FMN2: variants seen among roughly 807,000 people sequenced by gnomAD.
FMN2 encodes formin 2, also known as formin-2.
A neutral mutation model predicts 142.3 loss-of-function variants in FMN2; 51 were observed. That is an observed-to-expected ratio of 0.36 (90% CI 0.29 to 0.45). FMN2 has a LOEUF of 0.45. Among genes scored for constraint, FMN2 ranks in the 20% least tolerant of loss-of-function variants. FMN2 has a pLI of 1.00. For synonymous variants in FMN2, 882 were observed against 869.8 expected, an observed-to-expected ratio of 1.01 and a Z score of -0.25; for missense variants, 1,936 against 2,122.8, an observed-to-expected ratio of 0.91 and a Z score of 1.73.
intron 8 of FMN2, among the ~76,000 whole-genome samples, chr1:240,326,121 A>G (rs1671163022): frequency 6.6e-6 from 1 of 152,158 alleles, no homozygotes; most frequent in Non-Finnish European, 1.5e-5. Context: ...ATGTATGTAT[A>G]TATTTGTGCA....
Position 240,207,549 on chromosome 1 carries a change from C to G in FMN2, c.2737C>G (p.Pro913Ala), listed in dbSNP as rs1404154152. The G allele has an allele frequency of 1.2e-6, 2 of 1,612,934 alleles. No homozygotes were observed. The highest frequency in any genetic ancestry group is 3.3e-5 in the Admixed American group (2 of 59,910). Residue 913 changes from proline to alanine, a missense_variant, in exon 5 of 18, where the codon CCT becomes GCT. Pro to Ala is a conservative substitution (Grantham distance 27, BLOSUM62 -1). Coordinates refer to ENST00000319653, the MANE Select transcript of FMN2 (RefSeq NM_020066.5). ...QGTEMLPPPP[P>A]PLPGAGIPPP... ...TACAGAAATGCTGCCACCCCCTCCCCCTCCTCTTCCCGGAGCGGGCATACC... is the reference window on the plus strand; with the variant it reads ...TACAGAAATGCTGCCACCCCCTCCCGCTCCTCTTCCCGGAGCGGGCATACC...
At position 240,151,914 on chromosome 1, in the gene FMN2, G is replaced by A. The variant is rs375927445; in HGVS notation, c.1783-26007G>A. Among the ~76,000 whole-genome samples the A allele has an allele frequency of 1.2e-3, 175 of 152,082 alleles. 4 individuals are homozygous for A. The South Asian group carries it at 0.027, about 24-fold the overall frequency. On this transcript the variant is annotated intron_variant, in intron 2 of 17. Transcript: ENST00000319653. ...CCCTAGTAGCTGGGACTGCAGATGT[G>A]CACCACCTAGCCAATCTAATTTTTT...
chr1:240,430,951 A>G (rs2103162903), intron 15 of FMN2, among the ~76,000 whole-genome samples: 1 of 151,246 alleles, frequency 6.6e-6, no homozygotes. Flanking sequence ...ACATTTTTAC[A>G]TAAATTTTAG....
chr1:240,132,109 G>A (rs989036131), intron 2 of FMN2, among the ~76,000 whole-genome samples: 5 of 152,146 alleles, frequency 3.3e-5, no homozygotes, highest in African/African-American at 1.2e-4. Flanking sequence ...ATTTCTTTGA[G>A]TTTCTGGTTC....
intron 15 of FMN2, among the ~76,000 whole-genome samples, chr1:240,398,684 A>C (rs1370154322): frequency 6.6e-6 from 1 of 152,202 alleles, no homozygotes; most frequent in Admixed American, 6.5e-5. Flanking sequence ...GCAGGAAAGC[A>C]GTGTAACTCT....
intron 1 of FMN2, among the ~76,000 whole-genome samples, chr1:240,110,660 C>T: frequency 6.6e-6 from 1 of 152,094 alleles, no homozygotes; most frequent in Non-Finnish European, 1.5e-5. Flanking sequence ...TTTTGATTAG[C>T]TACAGTGTGG....
rs188031004 is a variant in FMN2, at chr1:240,320,404, C to T, written c.4216-8672C>T. Among the ~76,000 whole-genome samples, 166 of 152,274 alleles carry T rather than the reference C, an allele frequency of 1.1e-3. 5 individuals are homozygous for T. Among genetic ancestry groups the T allele is most frequent in the Admixed American group, 9.5e-3 (145 of 15,286 alleles). On this transcript the variant is annotated intron_variant, in intron 8 of 17. Transcript: ENST00000319653. ...GAATGAGCCTGTTTCAACAATGGCT[C>T]GTGTTTGTTCCATGTAAATGGCAAA...
chr1:240,401,805 G>C lies in FMN2; in HGVS notation c.4910+9243G>C, dbSNP rs140568441. 2.7e-3 allele frequency among the ~76,000 whole-genome samples: 407 copies of C among 152,296 alleles called. 1 individual carries two copies. Among genetic ancestry groups the C allele is most frequent in the African/African-American group, 9.3e-3 (387 of 41,562 alleles). ...ACCAAGGTTATCATGAAAGAAGGCA[G>C]GGCTGCGTGGTGGACAGGACGCTGA... On this transcript the variant is annotated intron_variant, in intron 15 of 17. Transcript: ENST00000319653.
intron 6 of FMN2, among the ~76,000 whole-genome samples, chr1:240,215,293 C>T (rs1219813304): frequency 1.3e-5 from 2 of 152,200 alleles, no homozygotes; most frequent in African/African-American, 4.8e-5. Context: ...TTACCATGTA[C>T]CAGTTACTGT....
At chr1:240,240,415 A>G (rs920837662) in intron 6 of FMN2, among the ~76,000 whole-genome samples, 1 of 152,222 alleles carries the variant, frequency 6.6e-6, no homozygotes, top group African/African-American at 2.4e-5. Context: ...TTGCTACAAC[A>G]TAATAATAAA....
At chr1:240,421,741 G>A (rs1674770301) in intron 15 of FMN2, among the ~76,000 whole-genome samples, 1 of 151,860 alleles carries the variant, frequency 6.6e-6, no homozygotes, top group African/African-American at 2.4e-5. Context: ...CCACAAGCAG[G>A]TACAACCAAG....
intron 14 of FMN2, among the ~76,000 whole-genome samples, chr1:240,364,463 A>C (rs1672595502): frequency 6.6e-6 from 1 of 152,142 alleles, no homozygotes; most frequent in Admixed American, 6.5e-5. Context: ...CCTCTCTTGT[A>C]GTGACAAATG....
rs1053525432 is a variant in FMN2 at position 240,272,275 on chromosome 1, G to A, written c.4153+14243G>A. 5.3e-5 allele frequency among the ~76,000 whole-genome samples: 8 copies of A among 152,268 alleles called. 1 individual carries two copies. In the Middle Eastern group the frequency reaches 0.01, roughly 194 times the overall value. ...ACCACATGGAGCATGCATGGAGGTA[G>A]AGCCCAAGTTTGACCACAGAGCACT... On this transcript the variant is annotated intron_variant, in intron 7 of 17. Transcript: ENST00000319653.
chr1:240,428,092 G>T (rs117307094), intron 15 of FMN2, among the ~76,000 whole-genome samples: 1 of 152,144 alleles, frequency 6.6e-6, no homozygotes, highest in East Asian at 1.9e-4. Context: ...AATAATGAGC[G>T]GTGTCGCTAG....
chr1:240,235,774 C>G (rs1300205386), intron 6 of FMN2: 1 of 151,966 alleles, frequency 6.6e-6, no homozygotes, highest in African/African-American at 2.4e-5. Flanking sequence ...AAACCTCAAG[C>G]TTTTCCTGTC....
At chr1:240,299,106 C>G (rs943226428) in intron 8 of FMN2, among the ~76,000 whole-genome samples, 1 of 152,036 alleles carries the variant, frequency 6.6e-6, no homozygotes, top group Non-Finnish European at 1.5e-5. Context: ...CACCGCCACA[C>G]CGGGCTAATT....
chr1:240,100,268 G>T (rs1367274767), intron 1 of FMN2, among the ~76,000 whole-genome samples: 3 of 152,146 alleles, frequency 2.0e-5, no homozygotes, highest in Non-Finnish European at 4.4e-5. Context: ...AAATATAAAT[G>T]TTATTGTAAT....
At position 240,208,552 on chromosome 1, in the gene FMN2, C is replaced by A. The variant is rs1225139978; in HGVS notation, c.3740C>A (p.Pro1247Gln). Residue 1247 changes from proline to glutamine, a missense_variant, in exon 5 of 18, where the codon CCA becomes CAA. Around this residue, in one of 8 missense-constraint regions of FMN2, gnomAD observed 259 missense variants for 230.9 expected, o/e 1.12. Coordinates refer to ENST00000319653, the MANE Select transcript of FMN2 (RefSeq NM_020066.5). ...LLPVSGPPLL[P>Q]QVGSSTLPTP... ...CCTGTATCAGGCCCTCCACTCCTCC[C>A]ACAAGTTGGGAGTAGCACTTTACCA... The A allele has an allele frequency of 6.2e-7, 1 of 1,613,448 alleles. No homozygotes were observed. Among genetic ancestry groups the A allele is most frequent in the Non-Finnish European group, 8.5e-7 (1 of 1,179,956 alleles).
At chr1:240,350,525 A>T (rs529389810) in intron 13 of FMN2, among the ~76,000 whole-genome samples, 2 of 152,244 alleles carry the variant, frequency 1.3e-5, no homozygotes, top group Non-Finnish European at 1.5e-5. Context: ...AATACATTCA[A>T]TGAAATAATA....
Sources: gnomAD v4.1 joint callset for allele counts (sites outside exome capture counted in the v4.1 genomes callset) on GRCh38, gnomAD v4.1.1 for gene constraint, gnomAD v4.1.1 regional missense constraint, MANE v1.5 for transcripts, NCBI Gene and HGNC (gene_info 2026-07-23, HGNC 2026-07-21) for gene names.